Variants in MND1 observed in about 807,000 individuals in gnomAD.
The protein encoded by MND1 is meiotic nuclear division protein 1 homolog.
Under a neutral mutation model 35.1 loss-of-function variants are expected in MND1, and 28 were observed. The ratio of observed to expected loss-of-function variants is 0.80; its 90% confidence interval spans 0.59 to 1.09. The LOEUF (loss-of-function observed/expected upper bound fraction) is 1.09, where lower values mean the gene tolerates loss of function less well. Ranked by LOEUF, MND1 falls within the 50% of genes least tolerant of loss-of-function variation. MND1 has a pLI of 0.00. For synonymous variants in MND1, 69 were observed against 70.5 expected (o/e 0.98, Z 0.11); for missense variants, 213 against 239.6 (o/e 0.89, Z 0.73).
chr4:153,355,275 C>A (rs2149631283), intron 2 of MND1, among the ~76,000 whole-genome samples: 1 of 152,148 alleles, frequency 6.6e-6, no homozygotes, highest in African/African-American at 2.4e-5. Flanking sequence ...CTCTAAAATG[C>A]TTGATTCTAT....
At chr4:153,413,535 G>A (rs933302518) in intron 7 of MND1, among the ~76,000 whole-genome samples, 12 of 151,912 alleles carry the variant, frequency 7.9e-5, no homozygotes, top group Non-Finnish European at 1.3e-4. Flanking sequence ...AAAAGTTGCC[G>A]GGTATGGTGG....
At chr4:153,356,263 T>C (rs899140274) in intron 3 of MND1, among the ~76,000 whole-genome samples, 3 of 152,180 alleles carry the variant, frequency 2.0e-5, no homozygotes, top group East Asian at 1.9e-4. Flanking sequence ...AGGAAAGATA[T>C]GTATAAATTG....
rs1277914833 is a variant in MND1, at chr4:153,399,889, GATTTTTT to G, written c.466+2557_466+2563del. Among the ~76,000 whole-genome samples the G allele has an allele frequency of 3.4e-3, 421 of 123,724 alleles. 1 individual carries two copies. The highest frequency in any genetic ancestry group is 0.011 in the African/African-American group (392 of 34,258). The allele number at this position is 123,724 out of a possible 152,430, so 81.2% of individuals were successfully genotyped here. ...CTGAAATTTTCTGTTTTTTCAGTGA[GATTTTTT>G]TTTTTTTTTTTTTTTTTTTTTTGGA... On this transcript the variant is annotated intron_variant, in intron 6 of 7. Transcript: ENST00000240488.
chr4:153,401,103 T>C (rs1561077985), intron 6 of MND1, among the ~76,000 whole-genome samples: 1 of 151,988 alleles, frequency 6.6e-6, no homozygotes, highest in Non-Finnish European at 1.5e-5. Context: ...ATAAAGAATT[T>C]AAAAAATATG....
chr4:153,401,982 C>A (rs953721158), intron 6 of MND1, among the ~76,000 whole-genome samples: 3 of 152,140 alleles, frequency 2.0e-5, no homozygotes, highest in Non-Finnish European at 1.5e-5. Flanking sequence ...TGGTGAAATG[C>A]TGTTTCTATT....
At chr4:153,350,951 T>TAAAAAAAAAAA (rs567868452) in intron 2 of MND1, among the ~76,000 whole-genome samples, 1 of 123,542 alleles carries the variant, frequency 8.1e-6, no homozygotes, top group Non-Finnish European at 1.8e-5. Flanking sequence ...AGATTCTTAG[T>TAAAAAAAAAAA]AAAAAAAAAA....
chr4:153,380,102 A>C (rs966933870), intron 4 of MND1, among the ~76,000 whole-genome samples: 3 of 152,196 alleles, frequency 2.0e-5, no homozygotes, highest in African/African-American at 7.2e-5. Flanking sequence ...AAAACTAATT[A>C]CTGTGGACAT....
intron 4 of MND1, among the ~76,000 whole-genome samples, chr4:153,381,423 T>TC (rs1185597482): frequency 1.3e-5 from 2 of 150,320 alleles, no homozygotes; most frequent in Non-Finnish European, 3.0e-5. Context: ...AAAAATATAC[T>TC]CCCCCCAAAT....
chr4:153,379,932 G>A (rs1387538289), intron 4 of MND1, among the ~76,000 whole-genome samples: 1 of 151,514 alleles, frequency 6.6e-6, no homozygotes, highest in Non-Finnish European at 1.5e-5. Flanking sequence ...TGAGGTAGGA[G>A]GATGGCTTGA....
intron 4 of MND1, among the ~76,000 whole-genome samples, chr4:153,380,805 GA>G (rs1014595140): frequency 2.0e-5 from 3 of 152,052 alleles, no homozygotes; most frequent in Non-Finnish European, 2.9e-5. Context: ...AATAAACTAA[GA>G]TTTTTTTACT....
At chr4:153,348,245 T>G (rs1297294872) in intron 1 of MND1, among the ~76,000 whole-genome samples, 2 of 152,158 alleles carry the variant, frequency 1.3e-5, no homozygotes, top group African/African-American at 4.8e-5. Flanking sequence ...AGGATGACTG[T>G]CAGGCCTCTG....
chr4:153,369,859 G>A (rs1773748084), intron 4 of MND1, among the ~76,000 whole-genome samples: 1 of 152,020 alleles, frequency 6.6e-6, no homozygotes, highest in Non-Finnish European at 1.5e-5. Context: ...CTCAAACCCT[G>A]CCTCTACTTT....
chr4:153,369,276 T>G (rs1195787025), intron 4 of MND1, among the ~76,000 whole-genome samples: 1 of 152,208 alleles, frequency 6.6e-6, no homozygotes, highest in African/African-American at 2.4e-5. Flanking sequence ...GCAGTAGTTT[T>G]TTTGTATCTT....
At chr4:153,357,879 A>G (rs1356426737) in intron 3 of MND1, among the ~76,000 whole-genome samples, 1 of 152,198 alleles carries the variant, frequency 6.6e-6, no homozygotes, top group Admixed American at 6.5e-5. Flanking sequence ...AAATTACCCA[A>G]CATCTTTTTT....
At chr4:153,359,179 G>A (rs1240978154) in intron 4 of MND1, among the ~76,000 whole-genome samples, 1 of 152,040 alleles carries the variant, frequency 6.6e-6, no homozygotes, top group Non-Finnish European at 1.5e-5. Context: ...CTAAAAATCC[G>A]CTGTTTCCTA....
intron 4 of MND1, among the ~76,000 whole-genome samples, chr4:153,364,431 C>T (rs1475379869): frequency 1.3e-5 from 2 of 151,594 alleles, no homozygotes; most frequent in South Asian, 2.1e-4. Context: ...GTGGGAGGAT[C>T]GCGTGAGCCT....
chr4:153,397,655 A>G (rs973639847), intron 6 of MND1, among the ~76,000 whole-genome samples: 1 of 148,960 alleles, frequency 6.7e-6, no homozygotes, highest in African/African-American at 2.5e-5. Flanking sequence ...CATCTCTACA[A>G]AAAAAAAACA....
chr4:153,413,399 G>T (rs771965202), intron 7 of MND1, among the ~76,000 whole-genome samples: 93 of 152,118 alleles, frequency 6.1e-4, no homozygotes, highest in Non-Finnish European at 9.7e-4. Flanking sequence ...GAAAAGAAAG[G>T]CTGGACACGG....
intron 2 of MND1, among the ~76,000 whole-genome samples, chr4:153,352,016 G>C (rs1219042348): frequency 1.3e-5 from 2 of 150,492 alleles, no homozygotes; most frequent in Non-Finnish European, 2.9e-5. Flanking sequence ...TAAGTGGGCT[G>C]TCTGTGAGGT....
Sources: allele counts gnomAD v4.1 joint callset (sites outside exome capture counted in the v4.1 genomes callset), GRCh38; gene constraint gnomAD v4.1.1; transcripts MANE v1.5; gene names NCBI Gene and HGNC (gene_info 2026-07-23, HGNC 2026-07-21).